BCCIP: variants seen among roughly 807,000 people sequenced by gnomAD.
BCCIP encodes BRCA2 and CDKN1A interacting protein.
A neutral mutation model predicts 32.8 loss-of-function variants in BCCIP; 23 were observed. That is an observed-to-expected ratio of 0.70 (90% CI 0.51 to 0.99). The LOEUF is 0.99. Among genes scored for constraint, BCCIP ranks in the 50% least tolerant of loss-of-function variants. The probability of loss-of-function intolerance (pLI) is 0.00; values close to 1 mark genes in which losing one functional copy is unlikely to be tolerated. For missense variants in BCCIP, 378 were observed against 379.8 expected (o/e 1.00, Z 0.04); for synonymous variants, 144 against 137.6 (o/e 1.05, Z -0.33).
chr10:125,839,079 G>A (rs776062752), downstream of BCCIP: 1 of 1,614,192 alleles, frequency 6.2e-7, no homozygotes, highest in Non-Finnish European at 8.5e-7. Flanking sequence ...GTTCTGCATA[G>A]GGAAGCTCGA....
intron 6 of BCCIP, among the ~76,000 whole-genome samples, chr10:125,834,758 C>T (rs559115391): frequency 2.1e-4 from 32 of 151,310 alleles, no homozygotes; most frequent in East Asian, 1.7e-3. Flanking sequence ...CTGCAGTGAG[C>T]CGAGATCGCG....
chr10:125,832,962 C>T (rs1479650965), intron 5 of BCCIP, among the ~76,000 whole-genome samples: 1 of 151,220 alleles, frequency 6.6e-6, no homozygotes, highest in Non-Finnish European at 1.5e-5. Context: ...TAAAAATACA[C>T]CCACAAAAAA....
rs539338613 is a variant in BCCIP at position 125,828,681 on chromosome 10, T to C, written c.321+1043T>C. 7.9e-5 allele frequency among the ~76,000 whole-genome samples: 12 copies of C among 152,348 alleles called. No homozygotes were observed. The South Asian group carries it at 2.5e-3, about 32-fold the overall frequency. Reference sequence around the variant, plus strand: ...TCATCTGGTGGTTCTTTGGGTTATCTGTTGTTTGTATAACAAACCACCCCA... The same window carrying C: ...TCATCTGGTGGTTCTTTGGGTTATCCGTTGTTTGTATAACAAACCACCCCA... On this transcript the variant is annotated intron_variant, in intron 3 of 6. Coordinates refer to ENST00000278100, the MANE Select transcript of BCCIP (RefSeq NM_078468.3).
At chr10:125,841,319 T>C (rs1854873721), downstream of BCCIP, 2 of 1,614,072 alleles carry the variant, frequency 1.2e-6, no homozygotes, top group Admixed American at 1.7e-5. Context: ...CCAGTTCCGA[T>C]ACAGCACAAT....
Position 125,852,615 on chromosome 10 carries a change from A to C in BCCIP, c.851-510A>C, listed in dbSNP as rs549243975. 4 of 1,612,340 alleles carry C rather than the reference A, an allele frequency of 2.5e-6. No individual in the cohort carries two copies. The Admixed American group carries it at 6.7e-5, about 27-fold the overall frequency. ...TGGCTGATGGGCTGCATGACGAGCG[A>C]GTTTGCTCTTATTCTCGGGTTGTAC... On this transcript the variant is annotated intron_variant, in intron 7 of 7. Coordinates refer to the BCCIP transcript ENST00000368759.
At chr10:125,843,513 G>A (rs1854937030), downstream of BCCIP, among the ~76,000 whole-genome samples, 1 of 152,088 alleles carries the variant, frequency 6.6e-6, no homozygotes, top group Admixed American at 6.6e-5. Context: ...TCGGGAGGTT[G>A]AGGCAGGAGA....
chr10:125,825,707 T>C (rs1854374688), intron 1 of BCCIP: 1 of 152,260 alleles, frequency 6.6e-6, no homozygotes, highest in Admixed American at 6.5e-5. Flanking sequence ...CGTTAAAACC[T>C]GAAGTGCCTT....
chr10:125,842,097 C>T, exon 7 of BCCIP: 1 of 932,218 alleles, frequency 1.1e-6, no homozygotes, highest in Non-Finnish European at 1.5e-6. Context: ...GATAGTGATT[C>T]TTGAGAGGGC....
chr10:125,825,941 C>T (rs996097588), intron 1 of BCCIP: 9 of 152,654 alleles, frequency 5.9e-5, no homozygotes, highest in African/African-American at 1.7e-4. Flanking sequence ...TTCCTTCTGC[C>T]TTAGGGCCTT....
intron 6 of BCCIP, 170 bp downstream of exon 6, chr10:125,834,116 G>C: frequency 1.4e-6 from 1 of 696,124 alleles, no homozygotes; most frequent in Non-Finnish European, 2.4e-6. Flanking sequence ...GTGCATAGTA[G>C]GTACTCAGGA....
chr10:125,845,821 C>T (rs939713074), downstream of BCCIP, among the ~76,000 whole-genome samples: 51 of 152,244 alleles, frequency 3.3e-4, no homozygotes, highest in Non-Finnish European at 1.5e-4. Flanking sequence ...GTGCCACCCG[C>T]ACCGTGAGGC....
downstream of BCCIP, chr10:125,839,252 C>A: frequency 6.5e-7 from 1 of 1,535,698 alleles, no homozygotes; most frequent in South Asian, 1.2e-5. Context: ...AGAGCCCAGG[C>A]CAGGCAGTTG....
downstream of BCCIP, chr10:125,841,236 C>A: frequency 6.2e-7 from 1 of 1,609,676 alleles, no homozygotes; most frequent in Non-Finnish European, 8.5e-7. Context: ...TGGTTAATAT[C>A]CTGCTTCTAT....
chr10:125,852,480 A>G, intron 7 of BCCIP: 3 of 1,613,746 alleles, frequency 1.9e-6, no homozygotes, highest in Admixed American at 1.7e-5. Flanking sequence ...AATGGCTTTA[A>G]TATTTCTGGG....
intron 6 of BCCIP, among the ~76,000 whole-genome samples, chr10:125,835,840 A>AC (rs1564820487): frequency 6.6e-6 from 1 of 152,258 alleles, no homozygotes; most frequent in Non-Finnish European, 1.5e-5. Context: ...TTAAATGAAA[A>AC]TACCACTTAG....
intron 7 of BCCIP, among the ~76,000 whole-genome samples, chr10:125,851,854 G>GGTGA (rs1257003123): frequency 2.0e-5 from 3 of 150,140 alleles, no homozygotes; most frequent in African/African-American, 7.4e-5. Context: ...CTGTGAGGTG[G>GGTGA]AGGTTGCAGT....
intron 7 of BCCIP, chr10:125,852,161 G>T: frequency 9.0e-7 from 1 of 1,110,258 alleles, no homozygotes; most frequent in Non-Finnish European, 1.2e-6. Context: ...GCAGGAAAAT[G>T]CTTCAGTCCA....
intron 5 of BCCIP, among the ~76,000 whole-genome samples, chr10:125,832,839 G>A (rs1165467572): frequency 1.3e-5 from 2 of 150,112 alleles, no homozygotes; most frequent in Non-Finnish European, 3.0e-5. Flanking sequence ...AAAAGGCCAG[G>A]TGTGGTGGCT....
At chr10:125,844,040 A>G (rs1854948465), downstream of BCCIP, among the ~76,000 whole-genome samples, 1 of 152,226 alleles carries the variant, frequency 6.6e-6, no homozygotes, top group African/African-American at 2.4e-5. Flanking sequence ...GTCCTGACAT[A>G]CAGCATTACC....
Sources: allele counts gnomAD v4.1 joint callset (sites outside exome capture counted in the v4.1 genomes callset), GRCh38; gene constraint gnomAD v4.1.1; transcripts MANE v1.5; gene names NCBI Gene and HGNC (gene_info 2026-07-23, HGNC 2026-07-21).